The following PPP1R37 variants were observed in gnomAD, a reference collection of about 807,000 sequenced individuals.
The protein encoded by PPP1R37 is protein phosphatase 1 regulatory subunit 37.
In PPP1R37, 21 loss-of-function variants were observed where a neutral mutation model predicts 61.0. That is an observed-to-expected ratio of 0.34 (90% CI 0.24 to 0.50). PPP1R37 has a LOEUF of 0.50. PPP1R37 is among the 20% of genes least tolerant of loss of function. The probability of loss-of-function intolerance (pLI) is 0.98; values close to 1 mark genes in which losing one functional copy is unlikely to be tolerated. For missense variants in PPP1R37, 910 were observed against 952.7 expected (o/e 0.96, Z 0.59); for synonymous variants, 443 against 433.5 (o/e 1.02, Z -0.27).
At chr19:45,144,203 A>G (rs1173972701) in intron 8 of PPP1R37, 1 of 152,366 alleles carries the variant, frequency 6.6e-6, no homozygotes, top group Non-Finnish European at 1.5e-5. Context: ...TTTTTAGTAG[A>G]GAGGGGATTT....
intron 1 of PPP1R37, among the ~76,000 whole-genome samples, chr19:45,096,295 CA>C (rs1489486532): frequency 2.0e-5 from 3 of 151,862 alleles, no homozygotes; most frequent in Non-Finnish European, 4.4e-5. Context: ...GCTGAAGGGT[CA>C]GGGGTGAGGG....
chr19:45,102,648 C>T (rs1236358109), intron 1 of PPP1R37, among the ~76,000 whole-genome samples: 1 of 152,208 alleles, frequency 6.6e-6, no homozygotes, highest in East Asian at 1.9e-4. Context: ...ATTTCGGCTC[C>T]TCCACACTTG....
At position 45,145,009 on chromosome 19, in the gene PPP1R37, C is replaced by A. The variant is rs999579040; in HGVS notation, c.1129+14C>A. The stretch of plus-strand genomic sequence containing the variant: ...TCACGTGCGAGGGTAGGGTACGGGG[C>A]CGGGCCAGGGTGCGGGCTGGTGGGC... On this transcript the variant is annotated intron_variant, in intron 9 of 12. Transcript: ENST00000221462. 6.5e-7 allele frequency: 1 copy of A among 1,531,350 alleles called. No individual in the cohort carries two copies. The highest frequency in any genetic ancestry group is 2.5e-5 in the East Asian group (1 of 40,590). The allele number at this position is 1,531,350 out of a possible 1,614,324, so 94.9% of individuals were successfully genotyped here.
chr19:45,145,790 CGA>C lies in PPP1R37; in HGVS notation c.1738_1739del (p.Arg580GlyfsTer31). ...FVVTRVESPPERAEPPASPTP... is the reference protein window; with the variant it reads ...FVVTRVESPPXRAEPPASPTP... ...TGGTGACCCGGGTGGAGAGCCCGCCCGAGAGGGCAGAGCCCCCTGCGTCCCCC... is the reference window on the plus strand; with the variant it reads ...TGGTGACCCGGGTGGAGAGCCCGCCCGAGGGCAGAGCCCCCTGCGTCCCCC... On this transcript the variant is annotated frameshift_variant, in exon 11 of 13. Transcript: ENST00000221462. LOFTEE classifies it high-confidence loss of function. 6.6e-7 allele frequency: 1 copy of C among 1,505,964 alleles called. No homozygotes were observed. Among genetic ancestry groups the C allele is most frequent in the Non-Finnish European group, 8.8e-7 (1 of 1,131,168 alleles). 93.3% of individuals were successfully genotyped at this position (1,505,964 alleles called of 1,614,324 possible).
intron 9 of PPP1R37, 45 bp downstream of exon 9, chr19:45,145,040 C>G (rs1162085724): frequency 6.6e-7 from 1 of 1,520,914 alleles, no homozygotes; most frequent in Admixed American, 2.0e-5. Flanking sequence ...TGGGCTCAGC[C>G]GGGCGGCCAG....
At chr19:45,135,873 C>G (rs1460920691) in intron 1 of PPP1R37, 1 of 150,646 alleles carries the variant, frequency 6.6e-6, no homozygotes, top group Non-Finnish European at 1.5e-5. Context: ...ACCTCTGCCT[C>G]CCAGGTTCAA....
chr19:45,119,135 C>T (rs796965067), intron 1 of PPP1R37, among the ~76,000 whole-genome samples: 22 of 150,470 alleles, frequency 1.5e-4, no homozygotes, highest in African/African-American at 4.6e-4. Context: ...ATTACAGGCA[C>T]GTGCCACAAC....
Position 45,093,522 on chromosome 19 carries a change from G to T in PPP1R37, c.197G>T (p.Arg66Ile). The T allele has an allele frequency of 1.3e-6, 2 of 1,534,270 alleles. No homozygotes were observed. The part of the protein sequence containing the change: ...SGAVEPKDPW[R>I]HAQNVTVDEV... ...GCAGTGGAGCCCAAAGACCCCTGGA[G>T]ACATGGTAGCTACCGCGGGTGAAGC... The change falls in exon 1 of 13, where the codon AGA (arginine) becomes ATA (isoleucine). Residue 66 changes from arginine to isoleucine, a missense_variant. By Grantham distance (97) the Arg-to-Ile change is moderately conservative (BLOSUM62 -3). Transcript: ENST00000221462.
At chr19:45,143,790 C>T (rs1197581755) in intron 8 of PPP1R37, 157 bp downstream of exon 8, 2 of 530,842 alleles carry the variant, frequency 3.8e-6, no homozygotes, top group East Asian at 6.6e-5. Flanking sequence ...CCTCATTCAG[C>T]TTCTGTGCCT....
In PPP1R37 at chr19:45,146,583, G is replaced by C. The variant is rs761223094; in HGVS notation, c.*21G>C. 5.9e-6 allele frequency: 5 copies of C among 841,000 alleles called. No homozygotes were observed. In the East Asian group the frequency reaches 8.2e-5, roughly 14 times the overall value. 52.1% of individuals were successfully genotyped at this position (841,000 alleles called of 1,614,324 possible). On this transcript the variant is annotated 3_prime_UTR_variant, in exon 13 of 13. Coordinates refer to ENST00000221462, the MANE Select transcript of PPP1R37 (RefSeq NM_019121.2). ...TCTCCTCCCCAAGTTCCCTTTTTCC[G>C]GTCGGTCTGCGATGAGCTGAGGCCA...
intron 1 of PPP1R37, among the ~76,000 whole-genome samples, chr19:45,114,187 A>G (rs531494527): frequency 6.6e-5 from 10 of 152,368 alleles, no homozygotes; most frequent in South Asian, 6.2e-4. Flanking sequence ...GCCTGTGTCA[A>G]CTGGGGTCTG....
intron 1 of PPP1R37, among the ~76,000 whole-genome samples, chr19:45,112,459 G>A (rs1427822479): frequency 6.6e-6 from 1 of 152,172 alleles, no homozygotes; most frequent in African/African-American, 2.4e-5. Flanking sequence ...CCTTTTACCT[G>A]ACTGACTCCT....
chr19:45,130,771 C>A lies in PPP1R37; in HGVS notation c.203-7743C>A, dbSNP rs1968466691. 6.6e-6 allele frequency among the ~76,000 whole-genome samples: 1 copy of A among 152,174 alleles called. No individual in the cohort carries two copies. Among genetic ancestry groups the A allele is most frequent in the African/African-American group, 2.4e-5 (1 of 41,432 alleles). On this transcript the variant is annotated intron_variant, in intron 1 of 12. Transcript: ENST00000221462. This position sits in a 1 kb window ranked among gnomAD's most constrained non-coding sequence, Gnocchi z 4.4. ...TCTGTGAACCTGGCTCGCAGACGTCCCGATTTCATGTGGTGGACACTGGGG... is the reference window on the plus strand; with the variant it reads ...TCTGTGAACCTGGCTCGCAGACGTCACGATTTCATGTGGTGGACACTGGGG...
At chr19:45,137,833 CAAA>C (rs5828228) in intron 1 of PPP1R37, among the ~76,000 whole-genome samples, 5,158 of 106,172 alleles carry the variant, frequency 0.049, 300 homozygotes, top group African/African-American at 0.15. Flanking sequence ...TACAAAAATA[CAAA>C]AAAAAAAAAA....
intron 1 of PPP1R37, among the ~76,000 whole-genome samples, chr19:45,132,309 T>C (rs181148476): frequency 6.6e-6 from 1 of 152,166 alleles, no homozygotes; most frequent in Non-Finnish European, 1.5e-5. Context: ...ACGTATTTTT[T>C]CTTTTCTTTT....
intron 1 of PPP1R37, among the ~76,000 whole-genome samples, chr19:45,135,779 C>CTTTTTT (rs546534256): frequency 1.5e-3 from 193 of 128,754 alleles, no homozygotes; most frequent in African/African-American, 5.6e-3. Flanking sequence ...TTTGCATTTC[C>CTTTTTT]TTTTTTTTTT....
chr19:45,093,620 A>C, intron 1 of PPP1R37, 93 bp downstream of exon 1: 1 of 912,534 alleles, frequency 1.1e-6, no homozygotes. Flanking sequence ...GGCGTTCAAT[A>C]GATTGCACCT....
At chr19:45,097,453 G>A (rs1277124214) in intron 1 of PPP1R37, among the ~76,000 whole-genome samples, 3 of 151,906 alleles carry the variant, frequency 2.0e-5, no homozygotes, top group Non-Finnish European at 4.4e-5. Context: ...CAGTGCAGGG[G>A]TCTCCTTCAG....
rs375701824 is a variant in PPP1R37 at position 45,146,907 on chromosome 19, T to C, written c.*345T>C. ...GGAGGGCAGGCGTCCTGGGTGGTGG[T>C]GGGATGGTCCCCTGTGGCCCCGGGC... On this transcript the variant is annotated 3_prime_UTR_variant, in exon 13 of 13. Transcript: ENST00000221462. 45 of 172,034 alleles carry C rather than the reference T, an allele frequency of 2.6e-4. 1 individual carries two copies. In the East Asian group the frequency reaches 6.1e-3, roughly 23 times the overall value. 10.7% of individuals were successfully genotyped at this position (172,034 alleles called of 1,614,324 possible).
Sources: allele counts gnomAD v4.1 joint callset (sites outside exome capture counted in the v4.1 genomes callset), GRCh38; gene constraint gnomAD v4.1.1; non-coding constraint Gnocchi (gnomAD v3.1); transcripts MANE v1.5; gene names NCBI Gene and HGNC (gene_info 2026-07-23, HGNC 2026-07-21).